The following MAP3K1 variants were observed in gnomAD, a reference collection of about 807,000 sequenced individuals.
MAP3K1 encodes the protein mitogen-activated protein kinase kinase kinase 1.
MAP3K1 carries 36 observed loss-of-function variants against 144.2 expected under a neutral mutation model. That is an observed-to-expected ratio of 0.25 (90% confidence interval 0.19 to 0.33). MAP3K1 has a LOEUF of 0.33. MAP3K1 is among the 10% of genes least tolerant of loss of function. MAP3K1 has a pLI of 1.00. For missense variants in MAP3K1, 1,650 were observed against 1,881.9 expected (o/e 0.88, Z 2.28); for synonymous variants, 718 against 688.7 (o/e 1.04, Z -0.67).
chr5:56,865,007 G>A, intron 4 of MAP3K1, 73 bp downstream of exon 4: 2 of 1,338,348 alleles, frequency 1.5e-6, no homozygotes, highest in South Asian at 1.2e-5. Context: ...ATACTATAAT[G>A]TTCTTAAATT....
At chr5:56,849,450 A>G (rs1324944416) in intron 1 of MAP3K1, among the ~76,000 whole-genome samples, 4 of 152,182 alleles carry the variant, frequency 2.6e-5, no homozygotes, top group African/African-American at 9.7e-5. Flanking sequence ...TTCTTGTTAT[A>G]AATAAATAGC....
At chr5:56,865,778 A>G (rs1327276299) in intron 5 of MAP3K1, 51 bp from the exon 6 acceptor site, 3 of 1,576,094 alleles carry the variant, frequency 1.9e-6, no homozygotes, top group Non-Finnish European at 2.6e-6. Context: ...AACTCTTCAT[A>G]TGTATAATTA....
At position 56,883,765 on chromosome 5, in the gene MAP3K1, G is replaced by A. The variant is rs878908944; in HGVS notation, c.3819+86G>A. The A allele has an allele frequency of 1.2e-4, 165 of 1,359,406 alleles. 2 individuals carry two copies. The South Asian group carries it at 1.8e-3, about 15-fold the overall frequency. The allele number at this position is 1,359,406 out of a possible 1,614,324, so 84.2% of individuals were successfully genotyped here. ...TAAAAAGAATAAAGGATATGTCCAC[G>A]TGTGTGTACTTTAGTTCTTTAAACT... is the stretch of plus-strand genomic sequence containing the variant. On this transcript the variant is annotated intron_variant, in intron 15 of 19. Transcript: ENST00000399503.
chr5:56,820,574 G>A, intron 1 of MAP3K1: 1 of 985,250 alleles, frequency 1.0e-6, no homozygotes, highest in Non-Finnish European at 1.2e-6. Flanking sequence ...TTAGTCATTA[G>A]TGTTGAATGT....
rs559980928 is a variant in MAP3K1, at chr5:56,842,797, G to A, written c.483-13803G>A. On this transcript the variant is annotated intron_variant, in intron 1 of 19. Transcript: ENST00000399503. ...TATATTAATTTATTTAATCCTGGTC[G>A]CTACTTTATATGGTAGATACTATTA... Among the ~76,000 whole-genome samples, 6 of 152,148 alleles carry A rather than the reference G, an allele frequency of 3.9e-5. No individual in the cohort carries two copies. The South Asian group carries it at 8.3e-4, about 21-fold the overall frequency.
At chr5:56,826,734 G>T (rs1273841862) in intron 1 of MAP3K1, among the ~76,000 whole-genome samples, 1 of 152,238 alleles carries the variant, frequency 6.6e-6, no homozygotes, top group African/African-American at 2.4e-5. Context: ...GGGATCAATG[G>T]ATGTTCTTTC....
rs766274370 is a variant in MAP3K1 at position 56,887,530 on chromosome 5, A to G, written c.4257+10A>G. The G allele has an allele frequency of 6.2e-7, 1 of 1,614,090 alleles. No homozygotes were observed. The highest frequency in any genetic ancestry group is 1.1e-5 in the South Asian group (1 of 91,084). ...ATTTATGGCACCTGAGGTGAGAAGC[A>G]TCTTTGAGTGTGATGACAGAAAATA... On this transcript the variant is annotated intron_variant, in intron 18 of 19. Transcript: ENST00000399503.
At chr5:56,841,627 C>T (rs1017217912) in intron 1 of MAP3K1, among the ~76,000 whole-genome samples, 11 of 152,146 alleles carry the variant, frequency 7.2e-5, no homozygotes, top group African/African-American at 2.7e-4. Flanking sequence ...ATTTGTGGTC[C>T]TATTGAGCTT....
intron 3 of MAP3K1, among the ~76,000 whole-genome samples, 156 bp downstream of exon 3, chr5:56,860,071 TG>T (rs1412895021): frequency 6.6e-6 from 1 of 152,194 alleles, no homozygotes; most frequent in African/African-American, 2.4e-5. Context: ...AGACCCTTTC[TG>T]GGGTCTATTA....
intron 15 of MAP3K1, among the ~76,000 whole-genome samples, 176 bp from the exon 16 acceptor site, chr5:56,884,488 T>C (rs1430671865): frequency 1.3e-5 from 2 of 152,240 alleles, no homozygotes; most frequent in African/African-American, 2.4e-5. Context: ...TTACTGCTGC[T>C]TAAGCTAGAT....
At chr5:56,856,773 T>G in intron 2 of MAP3K1, 23 bp downstream of exon 2, 1 of 1,612,894 alleles carries the variant, frequency 6.2e-7, no homozygotes, top group Non-Finnish European at 8.5e-7. Context: ...GGGTTACCAG[T>G]TATAAGGAAG....
chr5:56,876,891 T>G (rs933349815), intron 10 of MAP3K1, among the ~76,000 whole-genome samples: 21 of 152,232 alleles, frequency 1.4e-4, no homozygotes, highest in African/African-American at 5.1e-4. Context: ...AGGTTTCTGT[T>G]TCTTTGACAT....
intron 10 of MAP3K1, among the ~76,000 whole-genome samples, chr5:56,878,094 A>G (rs943554729): frequency 2.0e-5 from 3 of 152,214 alleles, no homozygotes. Context: ...GGTAATGTCT[A>G]CCAAGTTTCC....
chr5:56,820,139 A>G (rs1044120022), intron 1 of MAP3K1, among the ~76,000 whole-genome samples: 1 of 151,992 alleles, frequency 6.6e-6, no homozygotes, highest in Non-Finnish European at 1.5e-5. Flanking sequence ...TGTGTGTATG[A>G]TATCTATTAT....
chr5:56,854,432 C>CAAAAAAAAAAAAAAA (rs10647091), intron 1 of MAP3K1, among the ~76,000 whole-genome samples: 7 of 85,314 alleles, frequency 8.2e-5, no homozygotes, highest in African/African-American at 2.0e-4. Context: ...AACTCCATCT[C>CAAAAAAAAAAAAAAA]AAAAAAAAAA....
intron 1 of MAP3K1, 151 bp downstream of exon 1, chr5:56,816,206 C>T (rs1343085487): frequency 1.6e-5 from 13 of 816,908 alleles, no homozygotes; most frequent in Middle Eastern, 4.6e-4. Flanking sequence ...CACCCCCCGA[C>T]CCCTTCGGAG....
chr5:56,883,811 G>T, intron 15 of MAP3K1, 132 bp downstream of exon 15: 1 of 988,472 alleles, frequency 1.0e-6, no homozygotes. Context: ...TAGTTTCAAA[G>T]TAGATGTTTC....
chr5:56,868,758 C>G (rs1194474933), intron 6 of MAP3K1, among the ~76,000 whole-genome samples: 1 of 152,114 alleles, frequency 6.6e-6, no homozygotes, highest in Non-Finnish European at 1.5e-5. Flanking sequence ...AAAACAGGAT[C>G]TATCTAGTCA....
chr5:56,823,606 T>C (rs938471533), intron 1 of MAP3K1, among the ~76,000 whole-genome samples: 25 of 152,252 alleles, frequency 1.6e-4, no homozygotes, highest in African/African-American at 5.1e-4. Flanking sequence ...TTCAAATTAG[T>C]GGATCCACTG....
Sources: allele counts gnomAD v4.1 joint callset (sites outside exome capture counted in the v4.1 genomes callset), GRCh38; gene constraint gnomAD v4.1.1; transcripts MANE v1.5; gene names NCBI Gene and HGNC (gene_info 2026-07-23, HGNC 2026-07-21).